DGKI: variants seen among roughly 807,000 people sequenced by gnomAD.
DGKI encodes the protein diacylglycerol kinase iota, also known as DAG kinase iota.
DGKI carries 55 observed loss-of-function variants against 147.5 expected under a neutral mutation model. That is an observed-to-expected ratio of 0.37 (90% CI 0.30 to 0.47). The LOEUF is 0.47. DGKI is among the 20% of genes least tolerant of loss of function. The pLI, the probability that DGKI is intolerant of heterozygous loss-of-function variation, is 1.00. For synonymous variants in DGKI, 469 were observed against 477.1 expected, an observed-to-expected ratio of 0.98 and a Z score of 0.22; for missense variants, 1,007 against 1,323.8, an observed-to-expected ratio of 0.76 and a Z score of 3.71.
At chr7:137,428,115 C>T (rs1371307628) in intron 28 of DGKI, among the ~76,000 whole-genome samples, 2 of 144,044 alleles carry the variant, frequency 1.4e-5, no homozygotes, top group Non-Finnish European at 3.0e-5. Context: ...GAATTTTAGA[C>T]CAATATCCTT....
chr7:137,772,030 G>C (rs999650974), intron 1 of DGKI: 1 of 152,270 alleles, frequency 6.6e-6, no homozygotes, highest in East Asian at 1.9e-4. Flanking sequence ...ATTCGTGTCC[G>C]TAAAGAAAGT....
intron 20 of DGKI, among the ~76,000 whole-genome samples, chr7:137,528,790 G>C (rs904468877): frequency 9.9e-5 from 15 of 152,130 alleles, no homozygotes; most frequent in African/African-American, 3.6e-4. Flanking sequence ...CAAGCAGTAA[G>C]ATGCTAATGG....
rs550611262 is a variant in DGKI, at chr7:137,675,043, C to T, written c.606+3514G>A. Among the ~76,000 whole-genome samples the T allele has an allele frequency of 2.0e-5, 3 of 152,264 alleles. No individual in the cohort carries two copies. In the South Asian group the frequency reaches 6.2e-4, roughly 32 times the overall value. ...AGGTAGGCTTTCTTCAAAGGTGGTT[C>T]ATTAAAAGAAATTAGAATATAAATA... On this transcript the variant is annotated intron_variant, in intron 3 of 32. Transcript: ENST00000614521.
intron 30 of DGKI, 25 bp downstream of exon 30, chr7:137,407,850 T>C: frequency 1.2e-6 from 2 of 1,612,120 alleles, no homozygotes; most frequent in South Asian, 2.2e-5. Context: ...AAGTGATCCT[T>C]GGTAAGTTCA....
At chr7:137,759,642 C>T (rs1300391593) in intron 1 of DGKI, among the ~76,000 whole-genome samples, 1 of 152,070 alleles carries the variant, frequency 6.6e-6, no homozygotes, top group African/African-American at 2.4e-5. Flanking sequence ...ATGCCCAGCC[C>T]TTCTACATTC....
At chr7:137,813,451 C>T (rs538292106) in intron 1 of DGKI, among the ~76,000 whole-genome samples, 20 of 152,288 alleles carry the variant, frequency 1.3e-4, no homozygotes, top group Non-Finnish European at 2.8e-4. Flanking sequence ...TCAGTCATGT[C>T]ACACTGGGCG....
intron 21 of DGKI, among the ~76,000 whole-genome samples, chr7:137,517,650 C>T (rs1296852244): frequency 6.6e-6 from 1 of 152,072 alleles, no homozygotes; most frequent in African/African-American, 2.4e-5. Flanking sequence ...CAGGAATGCC[C>T]TGTATTACCT....
At chr7:137,807,625 T>G (rs574962222) in intron 1 of DGKI, among the ~76,000 whole-genome samples, 4 of 152,174 alleles carry the variant, frequency 2.6e-5, no homozygotes, top group Non-Finnish European at 5.9e-5. Context: ...CCATCCGTGT[T>G]CTCTGTGCTG....
chr7:137,421,286 G>A (rs1812560062), intron 28 of DGKI, among the ~76,000 whole-genome samples: 9 of 152,186 alleles, frequency 5.9e-5, no homozygotes, highest in Admixed American at 5.9e-4. Flanking sequence ...AACACCACCT[G>A]TGCCAAATCC....
intron 27 of DGKI, among the ~76,000 whole-genome samples, chr7:137,459,229 C>T: frequency 6.6e-6 from 1 of 151,976 alleles, no homozygotes; most frequent in South Asian, 2.1e-4. Flanking sequence ...GTTGATGGAT[C>T]TAAGGGACTA....
At chr7:137,577,397 T>C (rs1819021363) in intron 16 of DGKI, 113 bp from the exon 17 acceptor site, 1 of 757,964 alleles carries the variant, frequency 1.3e-6, no homozygotes, top group Non-Finnish European at 2.2e-6. Context: ...ATTCTAAACA[T>C]GTTCTCTTTC....
intron 1 of DGKI, among the ~76,000 whole-genome samples, chr7:137,773,394 T>C (rs1044124346): frequency 2.6e-5 from 4 of 152,172 alleles, no homozygotes; most frequent in African/African-American, 9.7e-5. Flanking sequence ...AACACATTAC[T>C]GCCTTAGAGT....
intron 6 of DGKI, among the ~76,000 whole-genome samples, chr7:137,638,567 C>CATATAT (rs373273871): frequency 7.2e-3 from 237 of 33,090 alleles, no homozygotes; most frequent in Non-Finnish European, 0.012. Flanking sequence ...TATATATACA[C>CATATAT]ACATATATGT....
chr7:137,832,960 C>G (rs1798260237), intron 1 of DGKI, among the ~76,000 whole-genome samples: 1 of 152,196 alleles, frequency 6.6e-6, no homozygotes, highest in South Asian at 2.1e-4. Context: ...TTTGCTAAAA[C>G]ATAGCAAGAG....
intron 6 of DGKI, among the ~76,000 whole-genome samples, chr7:137,623,837 G>GA (rs1045735512): frequency 2.0e-5 from 3 of 151,878 alleles, no homozygotes; most frequent in African/African-American, 7.3e-5. Flanking sequence ...AGAGCTTTTT[G>GA]AAAAAATAAA....
chr7:137,735,390 G>C lies in DGKI; in HGVS notation c.402-45388C>G, dbSNP rs1794993891. Among the ~76,000 whole-genome samples, 3 of 152,082 alleles carry C rather than the reference G, an allele frequency of 2.0e-5. No homozygotes were observed. The South Asian group carries it at 6.2e-4, about 32-fold the overall frequency. On this transcript the variant is annotated intron_variant, in intron 1 of 32. Transcript: ENST00000614521. ...CTTTCCACCTTTCTCTATCTGGTTA[G>C]ATTTTACTTATCCCCCAAGAGTCAA...
At chr7:137,632,722 G>A (rs936900930) in intron 6 of DGKI, among the ~76,000 whole-genome samples, 3 of 152,098 alleles carry the variant, frequency 2.0e-5, no homozygotes, top group Non-Finnish European at 4.4e-5. Flanking sequence ...AGCTGGGCGT[G>A]GTGGCACACG....
At chr7:137,441,617 A>G (rs182742978) in intron 28 of DGKI, among the ~76,000 whole-genome samples, 34 of 152,264 alleles carry the variant, frequency 2.2e-4, no homozygotes, top group Non-Finnish European at 4.0e-4. Context: ...GGGAATGAAA[A>G]ATACCAGGGT....
chr7:137,721,144 A>C (rs1794545175), intron 1 of DGKI, among the ~76,000 whole-genome samples: 1 of 152,178 alleles, frequency 6.6e-6, no homozygotes, highest in African/African-American at 2.4e-5. Context: ...TTAATTTATC[A>C]GTTGTGCAAA....
Sources: gnomAD v4.1 joint callset for allele counts (sites outside exome capture counted in the v4.1 genomes callset) on GRCh38, gnomAD v4.1.1 for gene constraint, MANE v1.5 for transcripts, NCBI Gene and HGNC (gene_info 2026-07-23, HGNC 2026-07-21) for gene names.